The following TOM1 variants were observed in gnomAD, a reference collection of about 807,000 sequenced individuals.
TOM1 encodes the protein target of Myb protein 1.
In TOM1, 38 loss-of-function variants were observed where a neutral mutation model predicts 61.3. The observed-to-expected ratio is 0.62, with a 90% CI of 0.48 to 0.81. The LOEUF is 0.81. Among genes scored for constraint, TOM1 ranks in the 40% least tolerant of loss-of-function variants. TOM1 has a pLI of 0.00. For synonymous variants in TOM1, 270 were observed against 268.8 expected, an observed-to-expected ratio of 1.00 and a Z score of -0.04; for missense variants, 591 against 659.6, an observed-to-expected ratio of 0.90 and a Z score of 1.14.
intron 1 of TOM1, among the ~76,000 whole-genome samples, chr22:35,303,955 A>G (rs780298986): frequency 2.0e-5 from 3 of 152,196 alleles, no homozygotes; most frequent in Non-Finnish European, 4.4e-5. Flanking sequence ...TGCCTGGCAC[A>G]TAGCAGGAAG....
chr22:35,315,677 T>C (rs934309981), intron 1 of TOM1, among the ~76,000 whole-genome samples: 2 of 152,218 alleles, frequency 1.3e-5, no homozygotes, highest in Non-Finnish European at 2.9e-5. Flanking sequence ...GGCATCCGTC[T>C]GGCTCAGGAC....
intron 8 of TOM1, chr22:35,331,503 A>G (rs561622708): frequency 3.0e-6 from 1 of 330,612 alleles, no homozygotes; most frequent in Non-Finnish European, 6.0e-6. Context: ...GGGGTATGGG[A>G]GAGGGCCCTT....
chr22:35,322,154 G>A, intron 3 of TOM1, 117 bp downstream of exon 3: 2 of 910,268 alleles, frequency 2.2e-6, no homozygotes, highest in Non-Finnish European at 3.5e-6. Context: ...AGCTGGAAAG[G>A]TCTGTAGGCA....
intron 1 of TOM1, among the ~76,000 whole-genome samples, chr22:35,308,404 C>T (rs1235932460): frequency 2.0e-5 from 3 of 151,874 alleles, no homozygotes; most frequent in Non-Finnish European, 4.4e-5. Flanking sequence ...CTGCCTCAGC[C>T]TCCTGAGTAG....
intron 1 of TOM1, among the ~76,000 whole-genome samples, chr22:35,305,188 G>A (rs1463135907): frequency 2.6e-5 from 4 of 152,226 alleles, no homozygotes; most frequent in African/African-American, 9.6e-5. Context: ...TGGGAGGCGG[G>A]ACACCTGGTT....
chr22:35,332,925 T>C, intron 8 of TOM1, 56 bp from the exon 9 acceptor site: 5 of 1,580,244 alleles, frequency 3.2e-6, no homozygotes, highest in Non-Finnish European at 3.5e-6. Flanking sequence ...TGCCTGGCCG[T>C]GTGTGGGGGC....
chr22:35,323,558 C>T lies in TOM1; in HGVS notation c.429C>T (p.Asp143=). 1 of 1,614,112 alleles carries T rather than the reference C, an allele frequency of 6.2e-7. No homozygotes were observed. Among genetic ancestry groups the T allele is most frequent in the Non-Finnish European group, 8.5e-7 (1 of 1,180,032 alleles). Reference sequence around the variant, plus strand: ...CAGGTGTGGTCACCATCTATGAGGACCTGCGGAGGAAAGGCCTGGAGTTCC... The same window carrying T: ...CAGGTGTGGTCACCATCTATGAGGATCTGCGGAGGAAAGGCCTGGAGTTCC... ...DLTGVVTIYE[D]LRRKGLEFPM... The change falls in exon 5 of 15, where the codon GAC becomes GAT. Residue 143 remains aspartate (D), a synonymous_variant. Transcript: ENST00000449058. The surrounding 1 kb of genome is among the most constrained non-coding windows in gnomAD (Gnocchi z 4.2).
At chr22:35,325,444 A>C (rs1461886299) in intron 6 of TOM1, among the ~76,000 whole-genome samples, 1 of 152,224 alleles carries the variant, frequency 6.6e-6, no homozygotes, top group East Asian at 1.9e-4. Context: ...GTTTGCCCCA[A>C]GAATACTCTT....
intron 1 of TOM1, among the ~76,000 whole-genome samples, chr22:35,316,619 G>A (rs2145637540): frequency 6.6e-6 from 1 of 152,358 alleles, no homozygotes; most frequent in Non-Finnish European, 1.5e-5. Flanking sequence ...GAACTCTGCA[G>A]CCGACTCCCG....
intron 1 of TOM1, among the ~76,000 whole-genome samples, chr22:35,305,950 G>A (rs963968084): frequency 6.6e-6 from 1 of 152,140 alleles, no homozygotes; most frequent in African/African-American, 2.4e-5. Flanking sequence ...GGGCCAGATA[G>A]TAAATACTTG....
chr22:35,306,582 C>G (rs909297404), intron 1 of TOM1, among the ~76,000 whole-genome samples: 1 of 152,216 alleles, frequency 6.6e-6, no homozygotes, highest in South Asian at 2.1e-4. Context: ...GAGCAAGTTA[C>G]TTAACCTCTC....
At chr22:35,299,706 T>C, upstream of TOM1, 1 of 581,628 alleles carries the variant, frequency 1.7e-6, no homozygotes, top group South Asian at 2.0e-5. Context: ...CTACATCGTG[T>C]GTGACGCCCG....
chr22:35,299,934 C>T lies in TOM1; in HGVS notation c.6C>T (p.Asp2=). 6.3e-7 allele frequency: 1 copy of T among 1,583,746 alleles called. No individual in the cohort carries two copies. The highest frequency in any genetic ancestry group is 8.6e-7 in the Non-Finnish European group (1 of 1,163,256). The part of the protein sequence containing the change: M[D]FLLGNPFSSP... Reference sequence around the variant, plus strand: ...TGGCAGCGGCGGTAGCAGCAATGGACTTTCTCCTGGGGAACCCGTTCAGCT... The same window carrying T: ...TGGCAGCGGCGGTAGCAGCAATGGATTTTCTCCTGGGGAACCCGTTCAGCT... The change falls in exon 1 of 15, where the codon GAC becomes GAT. Residue 2 remains aspartate, a synonymous_variant. Transcript: ENST00000449058.
intron 12 of TOM1, among the ~76,000 whole-genome samples, chr22:35,342,106 A>T (rs1249558579): frequency 6.6e-6 from 1 of 152,002 alleles, no homozygotes; most frequent in East Asian, 1.9e-4. Context: ...GTACCACTGC[A>T]CTCCAGCCTG....
chr22:35,341,110 T>C (rs936783130), intron 12 of TOM1, among the ~76,000 whole-genome samples: 1 of 152,254 alleles, frequency 6.6e-6, no homozygotes, highest in Non-Finnish European at 1.5e-5. Context: ...GCTGAGCCTG[T>C]GCTCCGGGCC....
chr22:35,322,871 T>C (rs1312011770), intron 3 of TOM1, 157 bp from the exon 4 acceptor site: 8 of 881,678 alleles, frequency 9.1e-6, no homozygotes, highest in Non-Finnish European at 1.3e-5. Context: ...GTCCTGGCAT[T>C]GTCCCAGTCC....
chr22:35,304,768 G>C (rs1244394447), intron 1 of TOM1, among the ~76,000 whole-genome samples: 1 of 152,266 alleles, frequency 6.6e-6, no homozygotes, highest in Non-Finnish European at 1.5e-5. Flanking sequence ...GTGAGCCACT[G>C]CACCCGGCCT....
At chr22:35,335,953 C>T (rs189693319) in intron 11 of TOM1, among the ~76,000 whole-genome samples, 1 of 152,144 alleles carries the variant, frequency 6.6e-6, no homozygotes, top group Non-Finnish European at 1.5e-5. Context: ...CTGGCTCCCG[C>T]ACAGCAGCTG....
chr22:35,322,912 C>A, intron 3 of TOM1, 116 bp from the exon 4 acceptor site: 1 of 1,266,998 alleles, frequency 7.9e-7, no homozygotes, highest in Middle Eastern at 2.1e-4. Context: ...TCCAGGAAGT[C>A]CCATCTCCTC....
Sources: gnomAD v4.1 joint callset for allele counts (sites outside exome capture counted in the v4.1 genomes callset) on GRCh38, gnomAD v4.1.1 for gene constraint, Gnocchi (gnomAD v3.1) non-coding constraint, MANE v1.5 for transcripts, NCBI Gene and HGNC (gene_info 2026-07-23, HGNC 2026-07-21) for gene names.